Variants in HMGCLL1 observed in about 807,000 individuals in gnomAD.
HMGCLL1 encodes the protein 3-hydroxymethyl-3-methylglutaryl-CoA lyase, cytoplasmic.
A neutral mutation model predicts 39.1 loss-of-function variants in HMGCLL1; 36 were observed. The observed-to-expected ratio is 0.92, with a 90% CI of 0.71 to 1.22. The LOEUF (loss-of-function observed/expected upper bound fraction) is 1.22. Among genes scored for constraint, HMGCLL1 ranks in the 50% most tolerant of loss-of-function variants. The pLI is 0.00. For synonymous variants in HMGCLL1, 149 were observed against 144.0 expected (o/e 1.03, Z -0.25); for missense variants, 451 against 416.5 (o/e 1.08, Z -0.72).
At chr6:55,511,426 G>A (rs917316000) in intron 5 of HMGCLL1, among the ~76,000 whole-genome samples, 3 of 151,942 alleles carry the variant, frequency 2.0e-5, no homozygotes, top group African/African-American at 7.2e-5. Flanking sequence ...TGTGTGGGGG[G>A]AATTTAACAA....
At chr6:55,473,052 T>C (rs556952498) in intron 7 of HMGCLL1, among the ~76,000 whole-genome samples, 54 of 151,592 alleles carry the variant, frequency 3.6e-4, no homozygotes, top group Non-Finnish European at 1.5e-5. Flanking sequence ...AAAATTAATA[T>C]TGCTACCCCA....
chr6:55,648,572 A>T, the HMGCLL1 span, among the ~76,000 whole-genome samples: 1 of 74,462 alleles, frequency 1.3e-5, no homozygotes, highest in East Asian at 3.4e-4. Context: ...CTACCATCAG[A>T]GAATACTACA....
intron 7 of HMGCLL1, among the ~76,000 whole-genome samples, chr6:55,455,263 A>T (rs962936209): frequency 6.6e-6 from 1 of 152,180 alleles, no homozygotes; most frequent in Non-Finnish European, 1.5e-5. Context: ...CCCACCATTG[A>T]TCAAAATATC....
the HMGCLL1 span, among the ~76,000 whole-genome samples, chr6:55,623,730 T>C: frequency 3.3e-5 from 5 of 150,556 alleles, no homozygotes; most frequent in African/African-American, 9.7e-5. Context: ...TATATATGCA[T>C]ATGATATATA....
the HMGCLL1 span, among the ~76,000 whole-genome samples, chr6:55,620,770 A>C: frequency 6.6e-6 from 1 of 151,858 alleles, no homozygotes; most frequent in African/African-American, 2.4e-5. Context: ...ATCCATTTTG[A>C]TTTGATTTTT....
At chr6:55,535,525 G>A (rs1357453322) in intron 3 of HMGCLL1, among the ~76,000 whole-genome samples, 1 of 152,136 alleles carries the variant, frequency 6.6e-6, no homozygotes, top group African/African-American at 2.4e-5. Context: ...GCATCTTAGT[G>A]TGCAGAAGAA....
intron 5 of HMGCLL1, chr6:55,513,214 T>A (rs1021483179): frequency 2.0e-5 from 3 of 152,114 alleles, no homozygotes; most frequent in Non-Finnish European, 4.4e-5. Context: ...AATCTTTCAA[T>A]ACAAGTAACC....
chr6:55,522,784 G>C (rs1383131667), intron 3 of HMGCLL1, among the ~76,000 whole-genome samples: 2 of 152,014 alleles, frequency 1.3e-5, no homozygotes, highest in Admixed American at 1.3e-4. Flanking sequence ...CTACAGAAGA[G>C]GAGAATGTTT....
chr6:55,476,085 A>T (rs1475543464), intron 7 of HMGCLL1, among the ~76,000 whole-genome samples: 1 of 151,594 alleles, frequency 6.6e-6, no homozygotes, highest in Non-Finnish European at 1.5e-5. Flanking sequence ...TTCTCACATC[A>T]ATTTTAGAAT....
chr6:55,511,872 A>G (rs1767481086), intron 5 of HMGCLL1, among the ~76,000 whole-genome samples: 1 of 152,152 alleles, frequency 6.6e-6, no homozygotes, highest in Non-Finnish European at 1.5e-5. Context: ...AAAATTCAGG[A>G]GTTGTACTCC....
chr6:55,665,523 A>T, the HMGCLL1 span, among the ~76,000 whole-genome samples: 1 of 151,700 alleles, frequency 6.6e-6, no homozygotes, highest in Non-Finnish European at 1.5e-5. Context: ...TGCTGAAACA[A>T]GTGGTACTCC....
intron 7 of HMGCLL1, among the ~76,000 whole-genome samples, chr6:55,477,231 T>A (rs1418854946): frequency 4.7e-5 from 1 of 21,482 alleles, no homozygotes; most frequent in South Asian, 1.5e-3. Flanking sequence ...ATATATAATA[T>A]ATATTATATT....
chr6:55,505,245 G>C (rs1767092773), intron 5 of HMGCLL1, among the ~76,000 whole-genome samples: 1 of 151,448 alleles, frequency 6.6e-6, no homozygotes, highest in Non-Finnish European at 1.5e-5. Context: ...CAATCATCCT[G>C]GCAAAAATTG....
At chr6:55,583,036 G>A (rs947100207), upstream of HMGCLL1, among the ~76,000 whole-genome samples, 4 of 152,032 alleles carry the variant, frequency 2.6e-5, no homozygotes, top group East Asian at 1.9e-4. Context: ...ACAGCATGAC[G>A]GTGGAAATCC....
At chr6:55,634,177 A>T in the HMGCLL1 span, among the ~76,000 whole-genome samples, 1 of 152,088 alleles carries the variant, frequency 6.6e-6, no homozygotes, top group South Asian at 2.1e-4. Context: ...TCAAAGTGTC[A>T]ACCAGCAGTG....
intron 3 of HMGCLL1, among the ~76,000 whole-genome samples, chr6:55,530,788 A>T (rs1215535123): frequency 6.6e-6 from 1 of 152,184 alleles, no homozygotes; most frequent in Non-Finnish European, 1.5e-5. Flanking sequence ...ACTTTCCAGC[A>T]ATTTAATCAG....
the HMGCLL1 span, among the ~76,000 whole-genome samples, chr6:55,620,764 A>T: frequency 6.6e-6 from 1 of 152,040 alleles, no homozygotes; most frequent in African/African-American, 2.4e-5. Flanking sequence ...TTTTTAATCC[A>T]TTTTGATTTG....
chr6:55,635,528 G>A, the HMGCLL1 span, among the ~76,000 whole-genome samples: 1 of 152,154 alleles, frequency 6.6e-6, no homozygotes, highest in Non-Finnish European at 1.5e-5. Context: ...TAGTTGAACA[G>A]ATTAGCTTAC....
At chr6:55,588,817 A>G in the HMGCLL1 span, among the ~76,000 whole-genome samples, 2 of 152,206 alleles carry the variant, frequency 1.3e-5, no homozygotes, top group South Asian at 4.1e-4. Flanking sequence ...AGAAATGGAT[A>G]AATTCTTCAA....
Sources: allele counts gnomAD v4.1 joint callset (sites outside exome capture counted in the v4.1 genomes callset), GRCh38; gene constraint gnomAD v4.1.1; transcripts MANE v1.5; gene names NCBI Gene and HGNC (gene_info 2026-07-23, HGNC 2026-07-21).